Variants in RGS6 observed in about 807,000 individuals in gnomAD.
The protein encoded by RGS6 is regulator of G protein signaling 6.
A neutral mutation model predicts 78.5 loss-of-function variants in RGS6; 30 were observed. The observed-to-expected ratio is 0.38, with a 90% CI of 0.29 to 0.52. The LOEUF is 0.52. Among genes scored for constraint, RGS6 ranks in the 20% least tolerant of loss-of-function variants. The pLI is 0.85. For synonymous variants in RGS6, 206 were observed against 206.0 expected, an observed-to-expected ratio of 1.00 and a Z score of 0.00; for missense variants, 495 against 609.7, an observed-to-expected ratio of 0.81 and a Z score of 1.98.
intron 2 of RGS6, among the ~76,000 whole-genome samples, chr14:72,062,497 A>G (rs773087346): frequency 6.6e-6 from 1 of 152,248 alleles, no homozygotes; most frequent in Non-Finnish European, 1.5e-5. Flanking sequence ...AGACTTTTGC[A>G]TGAGTCCAAA....
At chr14:71,878,756 C>A in the RGS6 span, among the ~76,000 whole-genome samples, 1 of 152,172 alleles carries the variant, frequency 6.6e-6, no homozygotes, top group Non-Finnish European at 1.5e-5. Context: ...ATGCAGAAAT[C>A]ACCTGTCTCT....
At chr14:72,582,242 C>A in the RGS6 span, among the ~76,000 whole-genome samples, 1 of 152,100 alleles carries the variant, frequency 6.6e-6, no homozygotes, top group Non-Finnish European at 1.5e-5. Flanking sequence ...GGAAACAAAC[C>A]ATACGCAAAG....
At chr14:72,024,702 G>C (rs1395457804) in intron 2 of RGS6, among the ~76,000 whole-genome samples, 1 of 152,196 alleles carries the variant, frequency 6.6e-6, no homozygotes, top group African/African-American at 2.4e-5. Context: ...AGCAGGCTTA[G>C]GTGGCTCTCC....
intron 2 of RGS6, among the ~76,000 whole-genome samples, chr14:72,306,697 C>A (rs997216523): frequency 6.6e-6 from 1 of 152,038 alleles, no homozygotes; most frequent in Non-Finnish European, 1.5e-5. Flanking sequence ...AGAAGCAGAG[C>A]CTGAAGATGT....
At chr14:72,073,960 G>A (rs1176090082) in intron 2 of RGS6, among the ~76,000 whole-genome samples, 4 of 151,922 alleles carry the variant, frequency 2.6e-5, no homozygotes, top group Non-Finnish European at 4.4e-5. Context: ...AGCCCACTTT[G>A]GTGTTTTCTT....
intron 2 of RGS6, among the ~76,000 whole-genome samples, chr14:72,025,631 T>C (rs929093581): frequency 6.6e-6 from 1 of 152,142 alleles, no homozygotes; most frequent in African/African-American, 2.4e-5. Context: ...ATCATCCTCT[T>C]TTTATGGTCT....
chr14:71,919,924 G>A, the RGS6 span, among the ~76,000 whole-genome samples: 1 of 152,100 alleles, frequency 6.6e-6, no homozygotes, highest in East Asian at 1.9e-4. Flanking sequence ...AACCCAGGAG[G>A]TGGAGGTCGC....
At chr14:72,067,297 A>T (rs1307950743) in intron 2 of RGS6, among the ~76,000 whole-genome samples, 2 of 152,104 alleles carry the variant, frequency 1.3e-5, no homozygotes, top group Non-Finnish European at 2.9e-5. Flanking sequence ...AACATCACAC[A>T]CCAAGGCCTG....
At chr14:72,145,224 A>G (rs1189156165) in intron 2 of RGS6, among the ~76,000 whole-genome samples, 1 of 152,030 alleles carries the variant, frequency 6.6e-6, no homozygotes. Flanking sequence ...AGGCTGCATG[A>G]CCCCTAAACT....
intron 3 of RGS6, among the ~76,000 whole-genome samples, chr14:72,352,878 C>T (rs1385339338): frequency 6.6e-6 from 1 of 152,076 alleles, no homozygotes; most frequent in African/African-American, 2.4e-5. Context: ...GTTTTACTAC[C>T]TAGGTATGTA....
At chr14:71,916,009 T>G in the RGS6 span, among the ~76,000 whole-genome samples, 1 of 152,330 alleles carries the variant, frequency 6.6e-6, no homozygotes, top group Non-Finnish European at 1.5e-5. Flanking sequence ...CCCTTGATCT[T>G]GGACCTCCAC....
intron 2 of RGS6, among the ~76,000 whole-genome samples, chr14:72,032,767 G>T (rs2091104232): frequency 6.6e-6 from 1 of 151,956 alleles, no homozygotes; most frequent in African/African-American, 2.4e-5. Flanking sequence ...CATCTATATT[G>T]TAGCTTATTG....
intron 2 of RGS6, among the ~76,000 whole-genome samples, chr14:72,154,342 G>T (rs1250590135): frequency 6.6e-6 from 1 of 152,114 alleles, no homozygotes; most frequent in Non-Finnish European, 1.5e-5. Flanking sequence ...GTGATCCTGA[G>T]GTGATGTACC....
At position 71,941,666 on chromosome 14, in the gene RGS6, G is replaced by C. The variant is rs555156539; in HGVS notation, c.-21+8725G>C. On this transcript the variant is annotated intron_variant, in intron 1 of 17. Coordinates refer to ENST00000553525, the MANE Select transcript of RGS6 (RefSeq NM_001204424.2). ...AGAAAGATGTAGGCTGGGAGGCTAG[G>C]CTCCTCTCTCCTTTTCATGTTTTTC... 5.3e-5 allele frequency among the ~76,000 whole-genome samples: 8 copies of C among 152,248 alleles called. No homozygotes were observed. In the East Asian group the frequency reaches 1.5e-3, roughly 29 times the overall value.
At chr14:71,878,716 A>G in the RGS6 span, among the ~76,000 whole-genome samples, 3 of 152,332 alleles carry the variant, frequency 2.0e-5, no homozygotes, top group South Asian at 4.1e-4. Flanking sequence ...AACAAGCCCC[A>G]GTGAGATGAA....
At chr14:72,206,454 G>A (rs2042728952) in intron 2 of RGS6, among the ~76,000 whole-genome samples, 1 of 152,130 alleles carries the variant, frequency 6.6e-6, no homozygotes, top group African/African-American at 2.4e-5. Context: ...TAATTTCTGT[G>A]TGTATGCACA....
rs116529319 is a variant in RGS6 at position 72,249,399 on chromosome 14, T to C, written c.85-102696T>C. On this transcript the variant is annotated intron_variant, in intron 2 of 17. Transcript: ENST00000553525. ...GGAGACATTCCTACCAATAGGGATG[T>C]CCTGTATAGATGTAAATTTATGTTA... 6.4e-3 allele frequency among the ~76,000 whole-genome samples: 968 copies of C among 152,332 alleles called. 17 individuals carry two copies. The highest frequency in any genetic ancestry group is 0.022 in the African/African-American group (926 of 41,582).
rs373739874 is a variant in RGS6, at chr14:72,311,060, G to A, written c.85-41035G>A. On this transcript the variant is annotated intron_variant, in intron 2 of 17. Coordinates refer to ENST00000553525, the MANE Select transcript of RGS6 (RefSeq NM_001204424.2). ...AGAAAGGGAGGGAAGCAATGTGTGCGATCACTCTAGCCGAAGAATGTAGAG... is the reference window on the plus strand; with the variant it reads ...AGAAAGGGAGGGAAGCAATGTGTGCAATCACTCTAGCCGAAGAATGTAGAG... Among the ~76,000 whole-genome samples the A allele has an allele frequency of 2.2e-4, 34 of 152,330 alleles. No individual in the cohort carries two copies. In the East Asian group the frequency reaches 3.7e-3, roughly 16 times the overall value.
chr14:72,280,355 C>A (rs190176201), intron 2 of RGS6, among the ~76,000 whole-genome samples: 29 of 152,206 alleles, frequency 1.9e-4, no homozygotes, highest in African/African-American at 6.7e-4. Context: ...AAGATGTAGC[C>A]TGAATGACCC....
Sources: allele counts gnomAD v4.1 joint callset (sites outside exome capture counted in the v4.1 genomes callset), GRCh38; gene constraint gnomAD v4.1.1; transcripts MANE v1.5; gene names NCBI Gene and HGNC (gene_info 2026-07-23, HGNC 2026-07-21).